CEACAM21: variants seen among roughly 807,000 people sequenced by gnomAD.
CEACAM21 encodes cell adhesion molecule CEACAM21.
In CEACAM21, 38 loss-of-function variants were observed where a neutral mutation model predicts 33.2. That is an observed-to-expected ratio of 1.14 (90% CI 0.88 to 1.50). CEACAM21 has a LOEUF of 1.50. Ranked by LOEUF, CEACAM21 falls within the 40% of genes most tolerant of loss-of-function variation. CEACAM21 has a pLI of 0.00. For synonymous variants in CEACAM21, 156 were observed against 143.0 expected (o/e 1.09, Z -0.65); for missense variants, 385 against 364.6 (o/e 1.06, Z -0.46).
chr19:41,584,842 G>C lies in CEACAM21; in HGVS notation c.797+399G>C, dbSNP rs539686052. Among the ~76,000 whole-genome samples the C allele has an allele frequency of 9.2e-5, 14 of 152,336 alleles. No individual in the cohort carries two copies. The South Asian group carries it at 2.7e-3, about 29-fold the overall frequency. ...TAGTGGAGACTGGAACAGCCTGGAC[G>C]GGCTGGGTGGGGTCAGCACCCCTTT... is the stretch of plus-strand genomic sequence containing the variant. On this transcript the variant is annotated intron_variant, in intron 4 of 6. Transcript: ENST00000401445.
chr19:41,558,313 T>A (rs2041663070), intron 1 of CEACAM21, among the ~76,000 whole-genome samples: 1 of 152,240 alleles, frequency 6.6e-6, no homozygotes, highest in African/African-American at 2.4e-5. Context: ...AACATTTGAC[T>A]ATCTTTGAAA....
chr19:41,566,058 T>C (rs907536777), intron 2 of CEACAM21, among the ~76,000 whole-genome samples: 11 of 151,880 alleles, frequency 7.2e-5, no homozygotes, highest in Non-Finnish European at 1.5e-4. Context: ...GGAATTAAAA[T>C]TGTAAACAGA....
At chr19:41,570,244 G>C (rs77296881) in intron 2 of CEACAM21, among the ~76,000 whole-genome samples, 5,441 of 152,268 alleles carry the variant, frequency 0.036, 256 homozygotes, top group African/African-American at 0.11. Context: ...GACCTGAGGA[G>C]CCTCAGTGGG....
intron 1 of CEACAM21, chr19:41,551,190 A>ATTTTTTTT (rs2041178579): frequency 1.1e-5 from 1 of 92,576 alleles, no homozygotes; most frequent in Non-Finnish European, 2.0e-5. Context: ...ATGTAGTTTC[A>ATTTTTTTT]CTCTTCTTGC....
upstream of CEACAM21, among the ~76,000 whole-genome samples, chr19:41,575,929 C>T (rs1490752315): frequency 6.6e-6 from 1 of 152,142 alleles, no homozygotes; most frequent in Non-Finnish European, 1.5e-5. Context: ...TGTGACAGAA[C>T]CAAGGCCAGA....
intron 2 of CEACAM21, among the ~76,000 whole-genome samples, chr19:41,569,583 C>A (rs2042473157): frequency 1.3e-5 from 2 of 152,072 alleles, no homozygotes; most frequent in Admixed American, 6.5e-5. Flanking sequence ...GAGCTAGATA[C>A]TGCCCCCCAA....
At chr19:41,556,013 C>A (rs2041502330) in intron 1 of CEACAM21, among the ~76,000 whole-genome samples, 1 of 152,172 alleles carries the variant, frequency 6.6e-6, no homozygotes, top group East Asian at 1.9e-4. Flanking sequence ...TAAAAGAGAG[C>A]AGAGCTGCAG....
chr19:41,569,634 T>C (rs1402026454), intron 2 of CEACAM21, among the ~76,000 whole-genome samples: 4 of 151,968 alleles, frequency 2.6e-5, no homozygotes, highest in Non-Finnish European at 4.4e-5. Flanking sequence ...CACATCTCCT[T>C]GCAGCAGCTG....
At chr19:41,553,958 C>T (rs1555784977) in intron 1 of CEACAM21, among the ~76,000 whole-genome samples, 1 of 151,920 alleles carries the variant, frequency 6.6e-6, no homozygotes, top group Non-Finnish European at 1.5e-5. Flanking sequence ...CTGGGGAAAT[C>T]GGGTAGAGAG....
intron 1 of CEACAM21, chr19:41,551,176 T>G (rs997171281): frequency 1.3e-5 from 2 of 151,458 alleles, no homozygotes; most frequent in African/African-American, 4.9e-5. Context: ...TTTTTTTTTT[T>G]TAGATGTAGT....
At chr19:41,555,963 C>A (rs1355663156) in intron 1 of CEACAM21, among the ~76,000 whole-genome samples, 1 of 152,200 alleles carries the variant, frequency 6.6e-6, no homozygotes, top group Non-Finnish European at 1.5e-5. Flanking sequence ...CAAAGTAATG[C>A]CTGGTACTCA....
At chr19:41,559,369 C>G (rs1365528386) in intron 1 of CEACAM21, among the ~76,000 whole-genome samples, 1 of 152,032 alleles carries the variant, frequency 6.6e-6, no homozygotes, top group Non-Finnish European at 1.5e-5. Context: ...TATGTCTTAC[C>G]AAAAATGAAG....
chr19:41,576,178 A>G lies in CEACAM21; in HGVS notation c.-97A>G, dbSNP rs2042927337. On this transcript the variant is annotated 5_prime_UTR_variant, in exon 1 of 7. Coordinates refer to ENST00000401445, the MANE Select transcript of CEACAM21 (RefSeq NM_001098506.4). ...GAGGAAGCTCAGCATAGAGGAAGGA[A>G]GGACAGCAGAGACAACAGTCACAGT... 3.5e-6 allele frequency: 5 copies of G among 1,415,676 alleles called. No homozygotes were observed. The highest frequency in any genetic ancestry group is 4.9e-6 in the Non-Finnish European group (5 of 1,011,190). The allele number at this position is 1,415,676 out of a possible 1,614,324, so 87.7% of individuals were successfully genotyped here.
At position 41,585,218 on chromosome 19, in the gene CEACAM21, C is replaced by A. The variant is rs138070937; in HGVS notation, c.798-225C>A. Among the ~76,000 whole-genome samples, 618 of 152,208 alleles carry A rather than the reference C, an allele frequency of 4.1e-3. 2 individuals carry two copies. Among genetic ancestry groups the A allele is most frequent in the South Asian group, 0.012 (57 of 4,810 alleles). The stretch of plus-strand genomic sequence containing the variant: ...TGTCACTGGATCAATGTTCTCCTGG[C>A]CCAGCATCTGCCTGAGAGTCCTTCC... On this transcript the variant is annotated intron_variant, in intron 4 of 6. Coordinates refer to ENST00000401445, the MANE Select transcript of CEACAM21 (RefSeq NM_001098506.4).
intron 2 of CEACAM21, among the ~76,000 whole-genome samples, chr19:41,568,296 C>T (rs1397914748): frequency 6.6e-6 from 1 of 151,530 alleles, no homozygotes; most frequent in African/African-American, 2.4e-5. Flanking sequence ...GATGAAATCC[C>T]GTTTGTTTAT....
intron 1 of CEACAM21, chr19:41,551,222 C>G (rs139834600): frequency 7.2e-6 from 1 of 138,678 alleles, no homozygotes; most frequent in Admixed American, 7.8e-5. Flanking sequence ...TGTAATGGTG[C>G]GATCTTGGCT....
intron 2 of CEACAM21, among the ~76,000 whole-genome samples, chr19:41,570,763 G>T (rs1248607241): frequency 1.3e-5 from 2 of 152,206 alleles, no homozygotes; most frequent in African/African-American, 4.8e-5. Flanking sequence ...TTTGTCTCAG[G>T]GTGGAAAGGG....
intron 2 of CEACAM21, among the ~76,000 whole-genome samples, chr19:41,569,886 C>A (rs1299388971): frequency 6.6e-6 from 1 of 152,220 alleles, no homozygotes; most frequent in African/African-American, 2.4e-5. Context: ...AAAGTTCAGT[C>A]ATTCCTGGCG....
chr19:41,580,084 TAATCTTAATTGAAGTACTG>T (rs1249415702), intron 3 of CEACAM21, among the ~76,000 whole-genome samples: 55 of 152,250 alleles, frequency 3.6e-4, no homozygotes, highest in Admixed American at 5.9e-4. Flanking sequence ...ACCAGTTCTG[TAATCTTAATTGAAGTACTG>T]AATCTTAATT....
Sources: gnomAD v4.1 joint callset for allele counts (sites outside exome capture counted in the v4.1 genomes callset) on GRCh38, gnomAD v4.1.1 for gene constraint, MANE v1.5 for transcripts, NCBI Gene and HGNC (gene_info 2026-07-23, HGNC 2026-07-21) for gene names.